DLGAP2: variants seen among roughly 807,000 people sequenced by gnomAD.
DLGAP2 encodes disks large-associated protein 2.
DLGAP2 carries 26 observed loss-of-function variants against 100.3 expected under a neutral mutation model. The observed-to-expected ratio is 0.26, with a 90% confidence interval of 0.19 to 0.36. The LOEUF is 0.36. Among genes scored for constraint, DLGAP2 ranks in the 10% least tolerant of loss-of-function variants. DLGAP2 has a pLI of 1.00. For synonymous variants in DLGAP2, 886 were observed against 630.1 expected (o/e 1.41, Z -6.08); for missense variants, 1,858 against 1,453.2 (o/e 1.28, Z -4.53).
intron 2 of DLGAP2, among the ~76,000 whole-genome samples, chr8:913,556 T>A (rs1024048977): frequency 4.3e-4 from 65 of 152,364 alleles, no homozygotes; most frequent in African/African-American, 1.5e-3. Flanking sequence ...ACATTGTTAC[T>A]TTGAATGCTT....
chr8:885,612 A>G (rs74539378), intron 1 of DLGAP2, among the ~76,000 whole-genome samples: 51 of 152,066 alleles, frequency 3.4e-4, no homozygotes, highest in Admixed American at 3.2e-3. Flanking sequence ...AATACCCTTT[A>G]TTTCTTTCTC....
chr8:1,602,407 T>G (rs1295404158), intron 6 of DLGAP2, among the ~76,000 whole-genome samples: 6 of 152,216 alleles, frequency 3.9e-5, no homozygotes, highest in Admixed American at 3.9e-4. Context: ...AAGTTGGGCA[T>G]TATTAAGAAT....
intron 2 of DLGAP2, among the ~76,000 whole-genome samples, chr8:927,676 G>A (rs1798848100): frequency 6.6e-6 from 1 of 152,160 alleles, no homozygotes; most frequent in Admixed American, 6.5e-5. Context: ...ATACAAACGT[G>A]TCAAGCCAGA....
intron 6 of DLGAP2, among the ~76,000 whole-genome samples, chr8:1,615,107 C>T (rs971553800): frequency 6.6e-6 from 1 of 152,200 alleles, no homozygotes; most frequent in Admixed American, 6.5e-5. Context: ...GGGGTCAGAA[C>T]AGAAGGGATG....
chr8:1,296,147 A>G (rs1291046427), intron 3 of DLGAP2: 1 of 152,046 alleles, frequency 6.6e-6, no homozygotes, highest in Non-Finnish European at 1.5e-5. Flanking sequence ...GTTGGGGTGG[A>G]TGAAATGCGG....
chr8:1,566,266 C>T (rs1584934101), intron 6 of DLGAP2, among the ~76,000 whole-genome samples: 2 of 152,090 alleles, frequency 1.3e-5, no homozygotes, highest in Non-Finnish European at 2.9e-5. Flanking sequence ...AACTCGTTAA[C>T]GGAATTTTGT....
intron 2 of DLGAP2, among the ~76,000 whole-genome samples, chr8:1,157,877 C>T (rs946218988): frequency 6.6e-6 from 1 of 152,308 alleles, no homozygotes; most frequent in African/African-American, 2.4e-5. Context: ...CAGATGCTGC[C>T]GGTGTTCCGT....
chr8:823,021 A>T (rs2132688778), intron 1 of DLGAP2, among the ~76,000 whole-genome samples: 1 of 151,896 alleles, frequency 6.6e-6, no homozygotes, highest in East Asian at 1.9e-4. Context: ...CTTATTCCAG[A>T]GGTGCTTTGC....
intron 1 of DLGAP2, among the ~76,000 whole-genome samples, chr8:866,195 C>T (rs766978536): frequency 6.6e-6 from 1 of 152,170 alleles, no homozygotes; most frequent in Non-Finnish European, 1.5e-5. Flanking sequence ...AGCACCCTGA[C>T]ACCCCGCGCC....
intron 2 of DLGAP2, among the ~76,000 whole-genome samples, chr8:996,245 A>G (rs543137861): frequency 6.6e-6 from 1 of 152,244 alleles, no homozygotes; most frequent in Non-Finnish European, 1.5e-5. Context: ...TGATTGTGAG[A>G]TGGAGGCTGT....
At chr8:1,587,648 A>C (rs1796165295) in intron 6 of DLGAP2, among the ~76,000 whole-genome samples, 1 of 138,044 alleles carries the variant, frequency 7.2e-6, no homozygotes, top group Non-Finnish European at 1.5e-5. Context: ...TCAAGGGGTG[A>C]ATGAATGAAA....
At chr8:866,779 C>G (rs1797506364) in intron 1 of DLGAP2, among the ~76,000 whole-genome samples, 1 of 152,206 alleles carries the variant, frequency 6.6e-6, no homozygotes, top group African/African-American at 2.4e-5. Flanking sequence ...ACCGTTTCTC[C>G]CTTTCTATGA....
chr8:799,688 C>T (rs1796108411), intron 1 of DLGAP2, among the ~76,000 whole-genome samples: 2 of 152,200 alleles, frequency 1.3e-5, no homozygotes, highest in Admixed American at 1.3e-4. Context: ...CCTCAAACTC[C>T]TAGGCTCAAG....
intron 1 of DLGAP2, among the ~76,000 whole-genome samples, chr8:900,126 C>T (rs1038142454): frequency 6.6e-6 from 1 of 152,130 alleles, no homozygotes; most frequent in African/African-American, 2.4e-5. Context: ...CACGGCGTCG[C>T]TCCTGGGTGG....
At chr8:1,599,507 G>T (rs184771094) in intron 6 of DLGAP2, among the ~76,000 whole-genome samples, 6 of 152,240 alleles carry the variant, frequency 3.9e-5, no homozygotes, top group African/African-American at 1.4e-4. Flanking sequence ...TCTCTTTGTA[G>T]GTCTCTAAGA....
intron 2 of DLGAP2, among the ~76,000 whole-genome samples, chr8:1,194,813 G>A (rs762629527): frequency 6.6e-6 from 1 of 152,184 alleles, no homozygotes; most frequent in Non-Finnish European, 1.5e-5. Flanking sequence ...TCTCTGGCTT[G>A]AGGCCACCAC....
chr8:1,251,655 T>C (rs1039216267), intron 2 of DLGAP2, among the ~76,000 whole-genome samples: 4 of 152,294 alleles, frequency 2.6e-5, no homozygotes, highest in Non-Finnish European at 4.4e-5. Flanking sequence ...TTTTGGCCTC[T>C]GTGTCAGGTC....
chr8:1,318,093 G>A (rs1216469871), intron 3 of DLGAP2, among the ~76,000 whole-genome samples: 8 of 82,932 alleles, frequency 9.6e-5, no homozygotes, highest in Non-Finnish European at 1.5e-4. Flanking sequence ...GAGCGTGTGC[G>A]AGTGCAGCGT....
At chr8:1,454,717 T>C (rs1413538230) in intron 3 of DLGAP2, among the ~76,000 whole-genome samples, 1 of 152,196 alleles carries the variant, frequency 6.6e-6, no homozygotes, top group Non-Finnish European at 1.5e-5. Context: ...GGCTGAGATA[T>C]CTGTTTTGTG....
Sources: gnomAD v4.1 joint callset for allele counts (sites outside exome capture counted in the v4.1 genomes callset) on GRCh38, gnomAD v4.1.1 for gene constraint, MANE v1.5 for transcripts, NCBI Gene and HGNC (gene_info 2026-07-23, HGNC 2026-07-21) for gene names.